Variants in CDH6 observed in about 807,000 individuals in gnomAD.
The protein encoded by CDH6 is cadherin-6.
Under a neutral mutation model 78.0 loss-of-function variants are expected in CDH6, and 31 were observed. The observed-to-expected ratio is 0.40, with a 90% CI of 0.30 to 0.54. CDH6 has a LOEUF of 0.54. Ranked by LOEUF, CDH6 falls within the 20% of genes least tolerant of loss-of-function variation. The pLI, the probability that CDH6 is intolerant of heterozygous loss-of-function variation, is 0.56. For missense variants in CDH6, 724 were observed against 975.9 expected, an observed-to-expected ratio of 0.74 and a Z score of 3.44; for synonymous variants, 376 against 368.8, an observed-to-expected ratio of 1.02 and a Z score of -0.23.
chr5:31,209,710 A>G (rs960597793), intron 1 of CDH6, among the ~76,000 whole-genome samples: 1 of 152,198 alleles, frequency 6.6e-6, no homozygotes, highest in Non-Finnish European at 1.5e-5. Context: ...ATTATTTTAC[A>G]TAAGAGACAG....
In CDH6 at chr5:31,297,316, C is replaced by T. The variant is rs764565018; in HGVS notation, c.551C>T (p.Thr184Met). 4.3e-6 allele frequency: 7 copies of T among 1,609,826 alleles called. No individual in the cohort carries two copies. The highest frequency in any genetic ancestry group is 3.3e-5 in the South Asian group (3 of 90,982). The change falls in exon 4 of 12, where the codon ACG becomes ATG. Residue 184 changes from threonine to methionine, a missense_variant. Physicochemically the swap from Thr to Met is moderately conservative, Grantham distance 81. This residue lies in a region of CDH6 where 446 missense variants were observed against 684.5 expected (regional missense o/e 0.65). Coordinates refer to ENST00000265071, the MANE Select transcript of CDH6 (RefSeq NM_004932.4). ...ACATTTGTTGTCCAAGTCACTGCGA[C>T]GGATGCAGATGATCCAACATATGGG... ...VGTFVVQVTA[T>M]DADDPTYGNS...
At chr5:31,271,620 G>T (rs1383116806) in intron 2 of CDH6, among the ~76,000 whole-genome samples, 2 of 152,138 alleles carry the variant, frequency 1.3e-5, no homozygotes, top group South Asian at 4.1e-4. Context: ...AGAAATAAGT[G>T]GTCCTGTGTC....
At chr5:31,318,802 T>C (rs573760620) in intron 11 of CDH6, 6 of 225,488 alleles carry the variant, frequency 2.7e-5, no homozygotes, top group African/African-American at 1.3e-4. Context: ...AAATACTCTT[T>C]TTTAAAAAAT....
In CDH6 at chr5:31,326,993, C is replaced by G. The variant is rs1185260938; in HGVS notation, c.*3685C>G. On this transcript the variant is annotated 3_prime_UTR_variant, in exon 12 of 12. Coordinates refer to ENST00000265071, the MANE Select transcript of CDH6 (RefSeq NM_004932.4). The stretch of plus-strand genomic sequence containing the variant: ...ACAGGCGTGAGCCACCGCGCCCGGC[C>G]TTAAAAATTGAATCTGTAGCTTAGG... 1 of 172,942 alleles carries G rather than the reference C, an allele frequency of 5.8e-6. No individual in the cohort carries two copies. Among genetic ancestry groups the G allele is most frequent in the Non-Finnish European group, 1.3e-5 (1 of 79,954 alleles). The allele number at this position is 172,942 out of a possible 1,614,324, so 10.7% of individuals were successfully genotyped here. A position where few individuals can be genotyped will look rare whatever the true frequency, so the allele number is the denominator to read the frequency against.
At chr5:31,288,417 C>A (rs1316038371) in intron 2 of CDH6, among the ~76,000 whole-genome samples, 1 of 152,190 alleles carries the variant, frequency 6.6e-6, no homozygotes, top group Non-Finnish European at 1.5e-5. Context: ...ACAGAAGCAA[C>A]TCTAATCCCT....
chr5:31,217,165 C>T (rs1208715253), intron 1 of CDH6, among the ~76,000 whole-genome samples: 1 of 152,134 alleles, frequency 6.6e-6, no homozygotes, highest in Non-Finnish European at 1.5e-5. Flanking sequence ...ATCTTTGTCT[C>T]TCTTTTGTTA....
At chr5:31,289,623 C>T (rs138211242) in intron 2 of CDH6, among the ~76,000 whole-genome samples, 1 of 152,158 alleles carries the variant, frequency 6.6e-6, no homozygotes, top group Non-Finnish European at 1.5e-5. Flanking sequence ...TTTCTCCACA[C>T]CCTCACCAAC....
At chr5:31,293,883 G>T (rs1301213232) in intron 2 of CDH6, 79 bp from the exon 3 acceptor site, 4 of 887,756 alleles carry the variant, frequency 4.5e-6, no homozygotes, top group African/African-American at 3.4e-5. Flanking sequence ...AGTTAATGTA[G>T]CATGCACCAA....
chr5:31,302,909 AAG>A (rs1336105630), intron 6 of CDH6, among the ~76,000 whole-genome samples: 16 of 104,002 alleles, frequency 1.5e-4, no homozygotes, highest in African/African-American at 4.6e-4. Context: ...GAAAAAAAGA[AAG>A]AAAGAAAGAA....
In CDH6 at chr5:31,316,317, A is replaced by G. The variant is rs751508091; in HGVS notation, c.1500A>G (p.Ala500=). ...ATGAAACTTTTGTCTGTGAAAAAGCAAAGGCAGATCAGGTGAGTTTCATTA... is the reference window on the plus strand; with the variant it reads ...ATGAAACTTTTGTCTGTGAAAAAGCGAAGGCAGATCAGGTGAGTTTCATTA... ...EFYETFVCEK[A]KADQLIQTLH... Residue 500 remains alanine, a synonymous_variant, in exon 9 of 12, where the codon GCA becomes GCG. Coordinates refer to ENST00000265071, the MANE Select transcript of CDH6 (RefSeq NM_004932.4). 2 of 1,612,218 alleles carry G rather than the reference A, an allele frequency of 1.2e-6. No individual in the cohort carries two copies. Among genetic ancestry groups the G allele is most frequent in the South Asian group, 1.1e-5 (1 of 90,438 alleles).
chr5:31,203,349 A>C, intron 1 of CDH6, among the ~76,000 whole-genome samples: 2 of 137,026 alleles, frequency 1.5e-5, no homozygotes, highest in South Asian at 2.6e-4. Context: ...TGCACCCACT[A>C]ACTCGTCATC....
intron 1 of CDH6, among the ~76,000 whole-genome samples, chr5:31,204,404 G>A (rs1740456545): frequency 6.6e-6 from 1 of 152,134 alleles, no homozygotes; most frequent in Non-Finnish European, 1.5e-5. Context: ...GGGAGGACGG[G>A]TACTTTATTT....
At position 31,325,233 on chromosome 5, in the gene CDH6, G is replaced by A; in HGVS notation, c.*1925G>A. On this transcript the variant is annotated 3_prime_UTR_variant, in exon 12 of 12. Coordinates refer to ENST00000265071, the MANE Select transcript of CDH6 (RefSeq NM_004932.4). ...TCTGAATGGTTTCCGATTTTATAAT[G>A]GACTGCCCTATATAGTAACAAGTAT... 4.4e-6 allele frequency: 1 copy of A among 228,024 alleles called. No homozygotes were observed. Among genetic ancestry groups the A allele is most frequent in the Non-Finnish European group, 8.7e-6 (1 of 114,880 alleles). 14.1% of individuals were successfully genotyped at this position (228,024 alleles called of 1,614,324 possible). A position where few individuals can be genotyped will look rare whatever the true frequency, so the allele number is the denominator to read the frequency against.
chr5:31,236,480 G>A (rs928999616), intron 1 of CDH6, among the ~76,000 whole-genome samples: 1 of 152,132 alleles, frequency 6.6e-6, no homozygotes, highest in African/African-American at 2.4e-5. Context: ...ATTTCTCTCC[G>A]ATCGTCTTAG....
chr5:31,225,966 A>T (rs1741141151), intron 1 of CDH6, among the ~76,000 whole-genome samples: 1 of 152,106 alleles, frequency 6.6e-6, no homozygotes, highest in African/African-American at 2.4e-5. Flanking sequence ...ACTCCATTCA[A>T]CATACCCCAG....
intron 1 of CDH6, chr5:31,249,272 C>T (rs1202122031): frequency 6.6e-6 from 1 of 152,200 alleles, no homozygotes; most frequent in East Asian, 1.9e-4. Flanking sequence ...TGTAGGTTTT[C>T]CACACTGAGT....
chr5:31,233,084 C>G (rs56775648), intron 1 of CDH6, among the ~76,000 whole-genome samples: 7 of 152,238 alleles, frequency 4.6e-5, no homozygotes, highest in African/African-American at 1.7e-4. Flanking sequence ...CAAATACACA[C>G]ACACGCGTAC....
At chr5:31,293,920 T>G in intron 2 of CDH6, 42 bp from the exon 3 acceptor site, 1 of 1,365,424 alleles carries the variant, frequency 7.3e-7, no homozygotes. Context: ...TAGAACCACA[T>G]GCTTGACTTT....
chr5:31,265,570 A>G (rs1231967684), intron 1 of CDH6, among the ~76,000 whole-genome samples: 1 of 152,290 alleles, frequency 6.6e-6, no homozygotes, highest in East Asian at 1.9e-4. Context: ...TGTCACATAT[A>G]CATTTACCTG....
Sources: gnomAD v4.1 joint callset for allele counts (sites outside exome capture counted in the v4.1 genomes callset) on GRCh38, gnomAD v4.1.1 for gene constraint, gnomAD v4.1.1 regional missense constraint, MANE v1.5 for transcripts, NCBI Gene and HGNC (gene_info 2026-07-23, HGNC 2026-07-21) for gene names.